The following NRG4 variants were observed in gnomAD, a reference collection of about 807,000 sequenced individuals.
NRG4 encodes neuregulin 4, also known as pro-neuregulin-4, membrane-bound isoform.
A neutral mutation model predicts 15.0 loss-of-function variants in NRG4; 10 were observed. That is an observed-to-expected ratio of 0.67 (90% CI 0.41 to 1.13). The LOEUF (loss-of-function observed/expected upper bound fraction) is 1.13. Ranked by LOEUF, NRG4 falls within the 50% of genes most tolerant of loss-of-function variation. The pLI is 0.00. For missense variants in NRG4, 139 were observed against 140.2 expected (o/e 0.99, Z 0.04); for synonymous variants, 41 against 50.1 (o/e 0.82, Z 0.77).
At chr15:75,988,552 T>G (rs760189965) in intron 3 of NRG4, among the ~76,000 whole-genome samples, 1 of 152,202 alleles carries the variant, frequency 6.6e-6, no homozygotes, top group Non-Finnish European at 1.5e-5. Flanking sequence ...GGTGACAAAG[T>G]TGCTTAGAAT....
At chr15:76,025,883 TA>T (rs957955420) in intron 5 of NRG4, among the ~76,000 whole-genome samples, 69 of 144,454 alleles carry the variant, frequency 4.8e-4, no homozygotes, top group Middle Eastern at 3.5e-3. Context: ...TCTCAAAAAT[TA>T]AAAAAAAAAA....
At chr15:76,052,543 C>T (rs1385832062) in intron 3 of NRG4, among the ~76,000 whole-genome samples, 1 of 150,890 alleles carries the variant, frequency 6.6e-6, no homozygotes, top group Non-Finnish European at 1.5e-5. Context: ...TTATGAAAGC[C>T]ACTTTTTATG....
At chr15:76,014,468 T>C (rs879309135), upstream of NRG4, among the ~76,000 whole-genome samples, 2 of 152,264 alleles carry the variant, frequency 1.3e-5, no homozygotes, top group Admixed American at 1.3e-4. Context: ...AGGGTTTTTA[T>C]GGCTTTACGT....
chr15:75,992,185 C>T (rs1039858284), intron 3 of NRG4, among the ~76,000 whole-genome samples: 3 of 152,132 alleles, frequency 2.0e-5, no homozygotes, highest in Non-Finnish European at 4.4e-5. Context: ...TGTATTGCAT[C>T]TACAGTCCAT....
At chr15:75,991,154 T>G (rs1315071477) in intron 3 of NRG4, among the ~76,000 whole-genome samples, 1 of 152,152 alleles carries the variant, frequency 6.6e-6, no homozygotes, top group Non-Finnish European at 1.5e-5. Context: ...AAATGTTTTC[T>G]GTGAAAGGAA....
At chr15:76,003,467 A>G (rs778482687) in intron 3 of NRG4, among the ~76,000 whole-genome samples, 3 of 152,154 alleles carry the variant, frequency 2.0e-5, no homozygotes, top group Non-Finnish European at 4.4e-5. Context: ...ATGGACCAAC[A>G]TACCTATTGT....
intron 3 of NRG4, among the ~76,000 whole-genome samples, chr15:75,999,455 A>C (rs1039897622): frequency 5.3e-5 from 8 of 152,146 alleles, no homozygotes; most frequent in Non-Finnish European, 1.0e-4. Context: ...ACTCTCTGCC[A>C]TGTGAGGACA....
At chr15:75,957,644 C>T (rs570125742) in intron 4 of NRG4, among the ~76,000 whole-genome samples, 13 of 152,220 alleles carry the variant, frequency 8.5e-5, no homozygotes, top group South Asian at 8.3e-4. Context: ...TAACTTTCAT[C>T]AGTTCTGAAA....
chr15:75,970,380 C>G (rs577672728), intron 3 of NRG4, among the ~76,000 whole-genome samples: 2 of 152,362 alleles, frequency 1.3e-5, no homozygotes, highest in African/African-American at 4.8e-5. Flanking sequence ...TACTCCTAAA[C>G]TGCTTCTCTT....
At chr15:75,943,709 A>G in intron 5 of NRG4, 55 bp from the exon 6 acceptor site, 1 of 1,100,302 alleles carries the variant, frequency 9.1e-7, no homozygotes, top group Non-Finnish European at 1.4e-6. Flanking sequence ...GTTTCTTACT[A>G]CGCACACCTA....
chr15:76,001,644 A>ATT (rs1264088327), intron 3 of NRG4, among the ~76,000 whole-genome samples: 21 of 152,188 alleles, frequency 1.4e-4, no homozygotes, highest in Non-Finnish European at 2.8e-4. Context: ...TTCTACTAAG[A>ATT]ATGGGAGGTT....
At chr15:75,974,363 C>T (rs1426315474) in intron 3 of NRG4, among the ~76,000 whole-genome samples, 1 of 152,078 alleles carries the variant, frequency 6.6e-6, no homozygotes, top group East Asian at 1.9e-4. Flanking sequence ...GTCTCTATCT[C>T]TTTCTGTTCT....
chr15:75,954,485 A>AGT (rs1468994049), intron 5 of NRG4, among the ~76,000 whole-genome samples: 18 of 147,856 alleles, frequency 1.2e-4, no homozygotes, highest in Admixed American at 9.5e-4. Flanking sequence ...GCTGGAGTGC[A>AGT]GTGGCACAAT....
chr15:75,945,268 TA>T (rs1261021062), intron 5 of NRG4, among the ~76,000 whole-genome samples: 34 of 125,484 alleles, frequency 2.7e-4, no homozygotes, highest in South Asian at 7.0e-4. Context: ...CATTTATTTT[TA>T]TTTTATTTTT....
intron 3 of NRG4, among the ~76,000 whole-genome samples, chr15:76,001,180 A>G (rs958467353): frequency 6.6e-6 from 1 of 151,832 alleles, no homozygotes; most frequent in African/African-American, 2.4e-5. Context: ...TTTGGTAAAG[A>G]TGAGGTCTTA....
chr15:76,032,947 C>T (rs560590576), intron 5 of NRG4, among the ~76,000 whole-genome samples: 5 of 152,166 alleles, frequency 3.3e-5, no homozygotes, highest in Non-Finnish European at 7.4e-5. Context: ...TATTCAAAAG[C>T]CATGACTATA....
intron 2 of NRG4, among the ~76,000 whole-genome samples, chr15:76,053,818 A>ACTGCAC (rs1369077307): frequency 1.3e-5 from 2 of 151,096 alleles, no homozygotes; most frequent in African/African-American, 4.9e-5. Flanking sequence ...GGCGTGAGCC[A>ACTGCAC]CTGCACCCGG....
chr15:76,042,581 A>C (rs1340446619), intron 4 of NRG4, among the ~76,000 whole-genome samples: 2 of 152,168 alleles, frequency 1.3e-5, no homozygotes, highest in Non-Finnish European at 2.9e-5. Context: ...ATTCCTAGAC[A>C]TATACAACCT....
chr15:75,971,041 C>T (rs776690419), intron 3 of NRG4: 1 of 258,884 alleles, frequency 3.9e-6, no homozygotes, highest in Non-Finnish European at 7.6e-6. Context: ...TTTTACAACT[C>T]TGTAAATTGT....
Sources: allele counts gnomAD v4.1 joint callset (sites outside exome capture counted in the v4.1 genomes callset), GRCh38; gene constraint gnomAD v4.1.1; transcripts MANE v1.5; gene names NCBI Gene and HGNC (gene_info 2026-07-23, HGNC 2026-07-21).